The following ZNG1B variants were observed in gnomAD, a reference collection of about 807,000 sequenced individuals.
ZNG1B encodes the protein zinc-regulated GTPase metalloprotein activator 1B.
the ZNG1B span, chr2:113,471,163 A>G: frequency 8.2e-7 from 1 of 1,212,252 alleles, no homozygotes; most frequent in Admixed American, 2.0e-5. Context: ...AATGATTTGC[A>G]CAATTGCATC....
At chr2:113,450,812 C>G in the ZNG1B span, among the ~76,000 whole-genome samples, 1 of 147,256 alleles carries the variant, frequency 6.8e-6, no homozygotes, top group Non-Finnish European at 1.5e-5. Context: ...CTCTCCTTAC[C>G]CAAGTTTGTT....
chr2:113,462,589 AT>A, the ZNG1B span: 1 of 1,413,302 alleles, frequency 7.1e-7, no homozygotes, highest in African/African-American at 1.4e-5. Context: ...AACTTAAGGT[AT>A]AAGGTTGAGC....
chr2:113,473,728 G>T, the ZNG1B span, among the ~76,000 whole-genome samples: 3 of 147,458 alleles, frequency 2.0e-5, no homozygotes, highest in Non-Finnish European at 3.0e-5. Flanking sequence ...GGCCTTTTCT[G>T]CATCTATTGA....
chr2:113,484,093 A>AGACC, the ZNG1B span, among the ~76,000 whole-genome samples: 1 of 141,054 alleles, frequency 7.1e-6, no homozygotes, highest in Admixed American at 7.2e-5. Context: ...CTCTAACAGA[A>AGACC]GACCAACTAT....
the ZNG1B span, chr2:113,462,727 T>A: frequency 1.7e-5 from 9 of 537,006 alleles, no homozygotes; most frequent in Non-Finnish European, 2.9e-5. Flanking sequence ...ATATTCAGGG[T>A]CTTCGCACTC....
chr2:113,439,874 A>ATTTTTTTTTTT, the ZNG1B span, among the ~76,000 whole-genome samples: 2 of 68,892 alleles, frequency 2.9e-5, no homozygotes, highest in African/African-American at 6.0e-5. Context: ...CCTTCCCTTA[A>ATTTTTTTTTTT]TTTTTTTTTT....
At chr2:113,461,329 G>A in the ZNG1B span, among the ~76,000 whole-genome samples, 7 of 151,848 alleles carry the variant, frequency 4.6e-5, no homozygotes, top group East Asian at 3.9e-4. Flanking sequence ...TGATCCACCC[G>A]CCTCGGCCTC....
the ZNG1B span, among the ~76,000 whole-genome samples, chr2:113,439,874 A>ATTTTT: frequency 6.4e-4 from 44 of 68,892 alleles, 5 homozygotes; most frequent in South Asian, 4.1e-3. Context: ...CCTTCCCTTA[A>ATTTTT]TTTTTTTTTT....
chr2:113,454,695 T>G, the ZNG1B span: 12 of 1,556,676 alleles, frequency 7.7e-6, no homozygotes, highest in Non-Finnish European at 1.1e-5. Flanking sequence ...CAAATATTAA[T>G]AAACATTCTT....
chr2:113,478,930 G>T, the ZNG1B span, among the ~76,000 whole-genome samples: 1 of 151,364 alleles, frequency 6.6e-6, no homozygotes, highest in Non-Finnish European at 1.5e-5. Context: ...CAGTGATACA[G>T]TTATTCAAGA....
At chr2:113,483,844 T>G in the ZNG1B span, among the ~76,000 whole-genome samples, 1 of 152,268 alleles carries the variant, frequency 6.6e-6, no homozygotes, top group Non-Finnish European at 1.5e-5. Context: ...TAAAGCAAAT[T>G]CCAGACACTA....
chr2:113,466,958 G>A, the ZNG1B span: 1 of 164,356 alleles, frequency 6.1e-6, no homozygotes. Flanking sequence ...CAGCTACTCA[G>A]GAGGCTGAGG....
the ZNG1B span, among the ~76,000 whole-genome samples, chr2:113,450,049 C>T: frequency 6.6e-6 from 1 of 150,894 alleles, no homozygotes; most frequent in Non-Finnish European, 1.5e-5. Flanking sequence ...TTTCTCCCTA[C>T]CTCCTTGAAG....
the ZNG1B span, chr2:113,482,002 T>C: frequency 1.1e-6 from 1 of 947,056 alleles, no homozygotes; most frequent in South Asian, 1.7e-5. Context: ...TTAAAAAAAC[T>C]TAATCTGCCA....
At chr2:113,473,999 C>G in the ZNG1B span, among the ~76,000 whole-genome samples, 116 of 151,224 alleles carry the variant, frequency 7.7e-4, no homozygotes, top group Non-Finnish European at 1.5e-3. Flanking sequence ...ATGCTGGCCT[C>G]ATAAAATGAG....
the ZNG1B span, among the ~76,000 whole-genome samples, chr2:113,479,834 C>T: frequency 2.0e-5 from 3 of 146,358 alleles, no homozygotes; most frequent in Admixed American, 6.8e-5. Context: ...TTTTTTTTTC[C>T]CCTTGGAGAC....
At chr2:113,472,472 A>T in the ZNG1B span, among the ~76,000 whole-genome samples, 1 of 151,828 alleles carries the variant, frequency 6.6e-6, no homozygotes, top group Non-Finnish European at 1.5e-5. Flanking sequence ...TTTGCTGTGC[A>T]GAAGCTGTTT....
the ZNG1B span, among the ~76,000 whole-genome samples, chr2:113,446,603 C>T: frequency 6.7e-6 from 1 of 149,952 alleles, no homozygotes; most frequent in Non-Finnish European, 1.5e-5. Flanking sequence ...AAAAACTAGC[C>T]AGGCGTTGTG....
chr2:113,441,554 A>G, the ZNG1B span: 1 of 1,269,820 alleles, frequency 7.9e-7, no homozygotes, highest in Non-Finnish European at 1.1e-6. Context: ...TGATGTGGAT[A>G]GCTTTAGAAA....
Sources: allele counts gnomAD v4.1 joint callset (sites outside exome capture counted in the v4.1 genomes callset), GRCh38; gene constraint gnomAD v4.1.1; transcripts MANE v1.5; gene names NCBI Gene and HGNC (gene_info 2026-07-23, HGNC 2026-07-21).